Variants in SPTA1 observed in about 807,000 individuals in gnomAD.
The protein encoded by SPTA1 is spectrin alpha, erythrocytic 1.
Under a neutral mutation model 324.7 loss-of-function variants are expected in SPTA1, and 177 were observed. The observed-to-expected ratio is 0.55, with a 90% CI of 0.48 to 0.62. SPTA1 has a LOEUF of 0.62. SPTA1 is among the 20% of genes least tolerant of loss of function. SPTA1 has a pLI of 0.00. For synonymous variants in SPTA1, 1,195 were observed against 1,041.3 expected (o/e 1.15, Z -2.84); for missense variants, 3,162 against 2,883.6 (o/e 1.10, Z -2.21).
intron 39 of SPTA1, among the ~76,000 whole-genome samples, chr1:158,627,983 T>C (rs1455131865): frequency 6.6e-6 from 1 of 152,190 alleles, no homozygotes; most frequent in Non-Finnish European, 1.5e-5. Flanking sequence ...ACTAATCTTA[T>C]TTTGATTTTG....
chr1:158,643,273 A>C (rs376852734), intron 31 of SPTA1, 49 bp downstream of exon 31: 13 of 1,595,394 alleles, frequency 8.1e-6, no homozygotes, highest in Non-Finnish European at 1.1e-5. Flanking sequence ...CAAAAAGGTC[A>C]GTTTGCTATA....
chr1:158,614,371 C>A (rs1649435362), intron 48 of SPTA1, 65 bp from the exon 49 acceptor site: 2 of 1,149,390 alleles, frequency 1.7e-6, no homozygotes, highest in Admixed American at 2.0e-5. Flanking sequence ...AGAACACAAG[C>A]CACATGGAAG....
chr1:158,641,552 T>G (rs1651574989), intron 33 of SPTA1, among the ~76,000 whole-genome samples: 1 of 152,074 alleles, frequency 6.6e-6, no homozygotes, highest in Admixed American at 6.5e-5. Flanking sequence ...AAAAGACACA[T>G]GAAAAAATGC....
intron 38 of SPTA1, among the ~76,000 whole-genome samples, chr1:158,635,371 T>C (rs1650991714): frequency 6.6e-6 from 1 of 151,152 alleles, no homozygotes; most frequent in South Asian, 2.1e-4. Flanking sequence ...CATTCTGCCA[T>C]GATTGTAAGT....
At chr1:158,673,351 C>T (rs530313845) in intron 10 of SPTA1, among the ~76,000 whole-genome samples, 5 of 152,228 alleles carry the variant, frequency 3.3e-5, no homozygotes, top group African/African-American at 9.6e-5. Flanking sequence ...AAGAGGCATG[C>T]GGATCTTACT....
chr1:158,615,901 A>C (rs982319691), intron 47 of SPTA1, among the ~76,000 whole-genome samples: 1 of 152,102 alleles, frequency 6.6e-6, no homozygotes, highest in African/African-American at 2.4e-5. Context: ...ACTTTCATCA[A>C]CTTGGGATGA....
intron 29 of SPTA1, 128 bp from the exon 30 acceptor site, chr1:158,644,524 T>A: frequency 1.9e-6 from 2 of 1,077,466 alleles, no homozygotes; most frequent in Non-Finnish European, 2.8e-6. Flanking sequence ...CAAGAAACAC[T>A]CATGTGACAA....
At chr1:158,626,506 T>A (rs1468009479) in intron 41 of SPTA1, among the ~76,000 whole-genome samples, 2 of 152,104 alleles carry the variant, frequency 1.3e-5, no homozygotes, top group Non-Finnish European at 2.9e-5. Flanking sequence ...CTAACAAACA[T>A]TTTAGATTGT....
intron 44 of SPTA1, 135 bp from the exon 45 acceptor site, chr1:158,619,469 T>A: frequency 1.2e-6 from 1 of 842,374 alleles, no homozygotes; most frequent in Non-Finnish European, 2.0e-6. Context: ...TGTGCCTGTG[T>A]GCTCATATTT....
chr1:158,643,766 C>T (rs566277022), intron 30 of SPTA1, among the ~76,000 whole-genome samples: 2 of 152,218 alleles, frequency 1.3e-5, no homozygotes, highest in African/African-American at 4.8e-5. Flanking sequence ...AGAGAGTCTG[C>T]TTGCTGCCTG....
chr1:158,652,333 C>T, intron 23 of SPTA1, 134 bp downstream of exon 23: 1 of 1,008,126 alleles, frequency 9.9e-7, no homozygotes, highest in South Asian at 1.4e-5. Flanking sequence ...AGAGGGAGAT[C>T]TCAGCCACAG....
intron 50 of SPTA1, 106 bp downstream of exon 50, chr1:158,613,615 A>G (rs973344921): frequency 3.9e-6 from 6 of 1,536,992 alleles, no homozygotes; most frequent in African/African-American, 2.7e-5. Flanking sequence ...ATTTCTTCCT[A>G]TTTTCAGATG....
Position 158,656,635 on chromosome 1 carries a change from C to T in SPTA1, c.2827G>A (p.Ala943Thr). 5.6e-6 allele frequency: 9 copies of T among 1,613,658 alleles called. No homozygotes were observed. The highest frequency in any genetic ancestry group is 7.6e-6 in the Non-Finnish European group (9 of 1,179,846). ...AAGALLKKHE[A>T]FLLDLNSFGD... ...AATGAATTGAGATCTAATAGAAAGG[C>T]CTCATGCTTCTTTAGAAGAGCCTGC... Residue 943 changes from alanine to threonine, a missense_variant, in exon 20 of 52, where the codon GCC (alanine) becomes ACC (threonine). Physicochemically the swap from Ala to Thr is moderately conservative, Grantham distance 58. Coordinates refer to ENST00000643759, the MANE Select transcript of SPTA1 (RefSeq NM_003126.4).
chr1:158,662,982 T>C, intron 16 of SPTA1, 37 bp from the exon 17 acceptor site: 1 of 1,612,900 alleles, frequency 6.2e-7, no homozygotes, highest in Non-Finnish European at 8.5e-7. Context: ...AGAAATCCCA[T>C]CATTTAGTAG....
At chr1:158,685,023 C>CATTAAT in intron 2 of SPTA1, 85 bp downstream of exon 2, 1 of 1,496,010 alleles carries the variant, frequency 6.7e-7, no homozygotes, top group Non-Finnish European at 9.3e-7. Flanking sequence ...CACACATACC[C>CATTAAT]ATTAACATTA....
At chr1:158,671,042 C>G (rs917372059) in intron 12 of SPTA1, among the ~76,000 whole-genome samples, 2 of 151,174 alleles carry the variant, frequency 1.3e-5, no homozygotes, top group Non-Finnish European at 2.9e-5. Context: ...CTTTGTAGAA[C>G]AAGAATGGTG....
At chr1:158,675,643 A>G (rs1035746987) in intron 8 of SPTA1, among the ~76,000 whole-genome samples, 9 of 152,334 alleles carry the variant, frequency 5.9e-5, no homozygotes, top group Admixed American at 2.0e-4. Flanking sequence ...TTAACAAACA[A>G]TAACTAATGA....
intron 5 of SPTA1, among the ~76,000 whole-genome samples, chr1:158,678,868 A>G (rs1448231645): frequency 6.6e-6 from 1 of 152,182 alleles, no homozygotes; most frequent in Non-Finnish European, 1.5e-5. Context: ...AAGGAAAAGA[A>G]GAGGAAATTC....
chr1:158,669,184 A>G (rs1279829863), intron 14 of SPTA1, among the ~76,000 whole-genome samples: 1 of 152,180 alleles, frequency 6.6e-6, no homozygotes, highest in Non-Finnish European at 1.5e-5. Flanking sequence ...GCCAGAGGAA[A>G]GAGGTGAAGA....
Sources: gnomAD v4.1 joint callset for allele counts (sites outside exome capture counted in the v4.1 genomes callset) on GRCh38, gnomAD v4.1.1 for gene constraint, MANE v1.5 for transcripts, NCBI Gene and HGNC (gene_info 2026-07-23, HGNC 2026-07-21) for gene names.